The following MYO5B variants were observed in gnomAD, a reference collection of about 807,000 sequenced individuals.
MYO5B encodes unconventional myosin-Vb.
Under a neutral mutation model 229.3 loss-of-function variants are expected in MYO5B, and 143 were observed. The ratio of observed to expected loss-of-function variants is 0.62; its 90% CI spans 0.54 to 0.72. The LOEUF (loss-of-function observed/expected upper bound fraction) is 0.72. Ranked by LOEUF, MYO5B falls within the 30% of genes least tolerant of loss-of-function variation. The pLI is 0.00. For missense variants in MYO5B, 2,321 were observed against 2,331.0 expected, an observed-to-expected ratio of 1.00 and a Z score of 0.09; for synonymous variants, 918 against 885.2, an observed-to-expected ratio of 1.04 and a Z score of -0.66.
intron 8 of MYO5B, among the ~76,000 whole-genome samples, chr18:49,983,608 C>T (rs758351192): frequency 1.3e-5 from 2 of 152,242 alleles, no homozygotes; most frequent in Non-Finnish European, 2.9e-5. Context: ...GTACCTGCTA[C>T]TTCTGGACCC....
chr18:49,978,642 T>C (rs964619216), intron 9 of MYO5B, among the ~76,000 whole-genome samples: 2 of 149,990 alleles, frequency 1.3e-5, no homozygotes, highest in African/African-American at 2.5e-5. Context: ...GAACTGACCC[T>C]ACTCTTTCAG....
chr18:49,953,828 C>G (rs17658886), intron 13 of MYO5B, among the ~76,000 whole-genome samples: 39,380 of 151,570 alleles, frequency 0.26, 5,703 homozygotes, highest in Middle Eastern at 0.37. Flanking sequence ...TGTTTACAGC[C>G]CTCCCTTCTC....
rs79062876 is a variant in MYO5B at position 49,873,553 on chromosome 18, T to G, written c.3538-1321A>C. On this transcript the variant is annotated intron_variant, in intron 26 of 39. Coordinates refer to ENST00000285039, the MANE Select transcript of MYO5B (RefSeq NM_001080467.3). ...TCTGTTTTGCCTCCACCACCACCAG[T>G]GGTATAGGAGGCTGTGGCTGTCCAG... 5.4e-4 allele frequency among the ~76,000 whole-genome samples: 82 copies of G among 152,254 alleles called. No individual in the cohort carries two copies. In the East Asian group the frequency reaches 0.012, roughly 22 times the overall value.
intron 4 of MYO5B, among the ~76,000 whole-genome samples, chr18:50,012,031 G>C (rs2026166570): frequency 6.6e-6 from 1 of 152,170 alleles, no homozygotes; most frequent in South Asian, 2.1e-4. Flanking sequence ...GCTCACCACA[G>C]AGTGGTTTCA....
chr18:49,933,538 G>A (rs895803412), intron 16 of MYO5B, among the ~76,000 whole-genome samples: 3 of 152,222 alleles, frequency 2.0e-5, no homozygotes, highest in African/African-American at 7.2e-5. Context: ...ATGTGGGACA[G>A]GAGTTCTCAA....
chr18:50,185,239 T>C (rs1233921859), intron 1 of MYO5B, among the ~76,000 whole-genome samples: 3 of 149,600 alleles, frequency 2.0e-5, no homozygotes, highest in Non-Finnish European at 4.4e-5. Context: ...AACCCTCCAA[T>C]GAAAGTCAAC....
At chr18:50,109,429 T>TTTC (rs750898890) in intron 1 of MYO5B, among the ~76,000 whole-genome samples, 99 of 111,752 alleles carry the variant, frequency 8.9e-4, no homozygotes, top group African/African-American at 2.7e-3. Context: ...GATTTTTCTT[T>TTTC]TTTTTTTTTT....
At chr18:49,887,122 T>C (rs1004057368) in intron 22 of MYO5B, among the ~76,000 whole-genome samples, 1 of 152,158 alleles carries the variant, frequency 6.6e-6, no homozygotes, top group South Asian at 2.1e-4. Context: ...GTAGGTGGCA[T>C]ACATGCTGTT....
intron 1 of MYO5B, among the ~76,000 whole-genome samples, chr18:50,131,344 T>C (rs1246378329): frequency 6.6e-6 from 1 of 152,132 alleles, no homozygotes; most frequent in African/African-American, 2.4e-5. Context: ...CCAAGCACAT[T>C]TGTACCATGA....
intron 1 of MYO5B, among the ~76,000 whole-genome samples, chr18:50,118,089 T>C (rs1363214918): frequency 6.6e-6 from 1 of 152,192 alleles, no homozygotes; most frequent in Non-Finnish European, 1.5e-5. Context: ...CTTCACTCAA[T>C]GCAATCAAGC....
intron 1 of MYO5B, among the ~76,000 whole-genome samples, chr18:50,097,858 T>G (rs1470887677): frequency 6.6e-6 from 1 of 152,026 alleles, no homozygotes; most frequent in Non-Finnish European, 1.5e-5. Flanking sequence ...CACACCCTGG[T>G]GAAACTGAGG....
At chr18:50,077,192 A>C (rs1413347106) in intron 1 of MYO5B, among the ~76,000 whole-genome samples, 1,769 of 147,284 alleles carry the variant, frequency 0.012, 37 homozygotes, top group African/African-American at 0.043. Flanking sequence ...AAAAAAAAAA[A>C]AGACAACTTA....
At chr18:49,935,653 A>G (rs552588313) in intron 16 of MYO5B, among the ~76,000 whole-genome samples, 1 of 152,382 alleles carries the variant, frequency 6.6e-6, no homozygotes, top group Admixed American at 6.5e-5. Context: ...ACCAAGATGT[A>G]CAAAGATCAT....
chr18:49,966,064 G>A (rs2025621768), intron 10 of MYO5B, among the ~76,000 whole-genome samples: 1 of 152,146 alleles, frequency 6.6e-6, no homozygotes, highest in Non-Finnish European at 1.5e-5. Context: ...TGGCCCTGAT[G>A]GGGGCTGAGG....
chr18:50,067,904 T>G (rs2030861537), intron 1 of MYO5B, among the ~76,000 whole-genome samples: 1 of 152,136 alleles, frequency 6.6e-6, no homozygotes, highest in African/African-American at 2.4e-5. Context: ...CAGTGACCCA[T>G]GGGGATAGGT....
intron 31 of MYO5B, among the ~76,000 whole-genome samples, chr18:49,851,491 T>C (rs2024200424): frequency 6.6e-6 from 1 of 152,234 alleles, no homozygotes; most frequent in African/African-American, 2.4e-5. Context: ...AACATAGTGC[T>C]GGCCACAGTG....
chr18:49,999,646 A>T (rs1434613960), intron 5 of MYO5B, among the ~76,000 whole-genome samples: 2 of 152,108 alleles, frequency 1.3e-5, no homozygotes, highest in Non-Finnish European at 2.9e-5. Flanking sequence ...ATTAAAGGGG[A>T]TTATTTCCTT....
intron 14 of MYO5B, among the ~76,000 whole-genome samples, chr18:49,937,986 T>C (rs900627201): frequency 2.6e-5 from 4 of 152,198 alleles, no homozygotes; most frequent in Non-Finnish European, 5.9e-5. Context: ...AGGGTGAATT[T>C]TGTAATGTAT....
intron 1 of MYO5B, among the ~76,000 whole-genome samples, chr18:50,151,641 T>C (rs2032599808): frequency 2.6e-5 from 4 of 152,314 alleles, no homozygotes; most frequent in South Asian, 4.1e-4. Flanking sequence ...AGAAAAATGC[T>C]TGGCTCTAGA....
Sources: allele counts gnomAD v4.1 joint callset (sites outside exome capture counted in the v4.1 genomes callset), GRCh38; gene constraint gnomAD v4.1.1; transcripts MANE v1.5; gene names NCBI Gene and HGNC (gene_info 2026-07-23, HGNC 2026-07-21).